HSF2: variants seen among roughly 807,000 people sequenced by gnomAD.
HSF2 encodes heat shock transcription factor 2.
A neutral mutation model predicts 65.0 loss-of-function variants in HSF2; 21 were observed. That is an observed-to-expected ratio of 0.32 (90% CI 0.23 to 0.47). The LOEUF is 0.47. Among genes scored for constraint, HSF2 ranks in the 20% least tolerant of loss-of-function variants. The pLI is 1.00. For missense variants in HSF2, 499 were observed against 628.1 expected (o/e 0.79, Z 2.20); for synonymous variants, 225 against 219.1 (o/e 1.03, Z -0.24).
At chr6:122,410,746 T>A (rs1019934462) in intron 1 of HSF2, among the ~76,000 whole-genome samples, 2 of 151,894 alleles carry the variant, frequency 1.3e-5, no homozygotes, top group Non-Finnish European at 2.9e-5. Context: ...GAGAATTTCC[T>A]TTTTTAGGTG....
chr6:122,408,969 A>G (rs889584884), intron 1 of HSF2, among the ~76,000 whole-genome samples: 2 of 151,948 alleles, frequency 1.3e-5, no homozygotes, highest in African/African-American at 2.4e-5. Context: ...TTTAGAACAT[A>G]CTGAGTTAAA....
chr6:122,425,177 A>G (rs1774313489), intron 10 of HSF2, among the ~76,000 whole-genome samples: 1 of 152,002 alleles, frequency 6.6e-6, no homozygotes, highest in Non-Finnish European at 1.5e-5. Context: ...TTCATTTACC[A>G]TTCTGCTTCT....
chr6:122,412,823 A>G (rs908990774), intron 3 of HSF2, 59 bp downstream of exon 3: 3 of 1,516,452 alleles, frequency 2.0e-6, no homozygotes, highest in Non-Finnish European at 2.7e-6. Context: ...CTTGGCCAAG[A>G]TTTTTATTTC....
At chr6:122,408,657 A>G (rs1773920042) in intron 1 of HSF2, among the ~76,000 whole-genome samples, 1 of 152,098 alleles carries the variant, frequency 6.6e-6, no homozygotes, top group Non-Finnish European at 1.5e-5. Context: ...TTTTCTGAGT[A>G]CACCCATAGT....
intron 10 of HSF2, among the ~76,000 whole-genome samples, chr6:122,425,310 C>T (rs1238548101): frequency 6.6e-6 from 1 of 151,804 alleles, no homozygotes; most frequent in Non-Finnish European, 1.5e-5. Flanking sequence ...CCTGTGTTGT[C>T]TTGGTTTTTT....
chr6:122,413,799 G>C (rs1774057121), intron 4 of HSF2, 150 bp downstream of exon 4: 1 of 668,092 alleles, frequency 1.5e-6, no homozygotes, highest in East Asian at 2.9e-5. Flanking sequence ...GCAAGTATTG[G>C]TTCCCTTTAC....
At chr6:122,422,028 C>CGT in intron 7 of HSF2, 122 bp from the exon 8 acceptor site, 1 of 656,960 alleles carries the variant, frequency 1.5e-6, no homozygotes, top group Non-Finnish European at 2.6e-6. Flanking sequence ...GCAGAGAACA[C>CGT]ACCTGTTTTG....
At chr6:122,418,461 A>G (rs1191878348) in intron 5 of HSF2, among the ~76,000 whole-genome samples, 5 of 152,222 alleles carry the variant, frequency 3.3e-5, no homozygotes, top group South Asian at 2.1e-4. Context: ...AAGAAACACT[A>G]CTATAAGATA....
In HSF2 at chr6:122,399,660, G is replaced by GAA; in HGVS notation, c.-78_-77insAA. 3.3e-6 allele frequency: 4 copies of GAA among 1,228,410 alleles called. No individual in the cohort carries two copies. The highest frequency in any genetic ancestry group is 2.4e-6 in the Non-Finnish European group (2 of 847,386). 76.1% of individuals were successfully genotyped at this position (1,228,410 alleles called of 1,614,324 possible). Reference sequence around the variant, plus strand: ...GCGCCTGCGTTGTGGGCGTTCTCGGGGAGCTGCTGCCGTAGCTGCCGCCGC... The same window carrying GAA: ...GCGCCTGCGTTGTGGGCGTTCTCGGGAAGAGCTGCTGCCGTAGCTGCCGCCGC... On this transcript the variant is annotated 5_prime_UTR_variant, in exon 1 of 13. Coordinates refer to ENST00000368455, the MANE Select transcript of HSF2 (RefSeq NM_004506.4).
chr6:122,404,533 A>G (rs1773819437), intron 1 of HSF2, among the ~76,000 whole-genome samples: 2 of 152,224 alleles, frequency 1.3e-5, no homozygotes, highest in Admixed American at 1.3e-4. Flanking sequence ...AAAATGTTTT[A>G]AAGTAATGTG....
chr6:122,430,971 C>T (rs1433350172), intron 11 of HSF2, among the ~76,000 whole-genome samples: 1 of 152,100 alleles, frequency 6.6e-6, no homozygotes, highest in African/African-American at 2.4e-5. Flanking sequence ...ATTATGTCAT[C>T]CTGAGCTACT....
chr6:122,420,700 C>CTTTTTTTTTTTTTTT lies in HSF2; in HGVS notation c.681+493_681+507dup, dbSNP rs59305295. ...ACATAGCGATTTAGTTTATTCATTT[C>CTTTTTTTTTTTTTTT]TTTTTTTTTTTTTTTTTTTTTTTTT... On this transcript the variant is annotated intron_variant, in intron 7 of 12. Coordinates refer to ENST00000368455, the MANE Select transcript of HSF2 (RefSeq NM_004506.4). Among the ~76,000 whole-genome samples, 10 of 28,572 alleles carry CTTTTTTTTTTTTTTT rather than the reference C, an allele frequency of 3.5e-4. 5 individuals are homozygous for CTTTTTTTTTTTTTTT. Among genetic ancestry groups the CTTTTTTTTTTTTTTT allele is most frequent in the Non-Finnish European group, 4.9e-4 (8 of 16,430 alleles). The allele number at this position is 28,572 out of a possible 152,430, so 18.7% of individuals were successfully genotyped here. A position where few individuals can be genotyped will look rare whatever the true frequency, so the allele number is the denominator to read the frequency against.
At chr6:122,410,465 T>C (rs1278079132) in intron 1 of HSF2, among the ~76,000 whole-genome samples, 1 of 151,892 alleles carries the variant, frequency 6.6e-6, no homozygotes, top group Admixed American at 6.6e-5. Context: ...TTTAAGTGCA[T>C]TAAGTTAGAT....
chr6:122,432,290 T>A lies in HSF2; in HGVS notation c.*70T>A. The A allele has an allele frequency of 2.3e-6, 3 of 1,307,336 alleles. No homozygotes were observed. The highest frequency in any genetic ancestry group is 3.2e-6 in the Non-Finnish European group (3 of 942,794). 81.0% of individuals were successfully genotyped at this position (1,307,336 alleles called of 1,614,324 possible). A position where few individuals can be genotyped will look rare whatever the true frequency, so the allele number is the denominator to read the frequency against. On this transcript the variant is annotated 3_prime_UTR_variant, in exon 13 of 13. Coordinates refer to ENST00000368455, the MANE Select transcript of HSF2 (RefSeq NM_004506.4). ...TGAACTATTTATTTTAAAGTATCAT[T>A]TGGTACTTTTTTTGTAAATTGCTTT...
intron 1 of HSF2, among the ~76,000 whole-genome samples, chr6:122,403,692 T>C (rs1420289221): frequency 2.0e-5 from 3 of 152,194 alleles, no homozygotes; most frequent in Admixed American, 2.0e-4. Context: ...AAAACAAAAA[T>C]GAAAAGTTTT....
At chr6:122,407,260 A>G (rs1203870573) in intron 1 of HSF2, among the ~76,000 whole-genome samples, 1 of 152,168 alleles carries the variant, frequency 6.6e-6, no homozygotes, top group East Asian at 1.9e-4. Flanking sequence ...GTATATAAGC[A>G]AGAGTTTCTC....
Position 122,399,729 on chromosome 6 carries a change from G to A in HSF2, c.-9G>A, listed in dbSNP as rs748740062. The A allele has an allele frequency of 1.2e-6, 2 of 1,608,686 alleles. No individual in the cohort carries two copies. Among genetic ancestry groups the A allele is most frequent in the South Asian group, 2.2e-5 (2 of 90,476 alleles). ...GTGTAGAATTTGGAATCCCTGCGCC[G>A]CGTTAACAATGAAGCAGAGTTCGAA... On this transcript the variant is annotated 5_prime_UTR_variant, in exon 1 of 13. Transcript: ENST00000368455.
chr6:122,414,190 A>G (rs569468338), intron 4 of HSF2, among the ~76,000 whole-genome samples: 2 of 152,304 alleles, frequency 1.3e-5, no homozygotes, highest in Admixed American at 1.3e-4. Context: ...CTACAGAAAG[A>G]TGCTTCGTTT....
intron 4 of HSF2, among the ~76,000 whole-genome samples, chr6:122,414,014 C>T (rs944897039): frequency 2.0e-5 from 3 of 151,942 alleles, no homozygotes; most frequent in Non-Finnish European, 4.4e-5. Flanking sequence ...ACATAAAAAC[C>T]CTGTATGTTA....
Sources: gnomAD v4.1 joint callset for allele counts (sites outside exome capture counted in the v4.1 genomes callset) on GRCh38, gnomAD v4.1.1 for gene constraint, MANE v1.5 for transcripts, NCBI Gene and HGNC (gene_info 2026-07-23, HGNC 2026-07-21) for gene names.